PLCL2: variants seen among roughly 807,000 people sequenced by gnomAD.
PLCL2 encodes inactive phospholipase C-like protein 2.
A neutral mutation model predicts 79.6 loss-of-function variants in PLCL2; 4 were observed. That is an observed-to-expected ratio of 0.05 (90% confidence interval 0.02 to 0.11). PLCL2 has a LOEUF of 0.11. Among genes scored for constraint, PLCL2 ranks in the 10% least tolerant of loss-of-function variants. The pLI, the probability that PLCL2 is intolerant of heterozygous loss-of-function variation, is 1.00. For synonymous variants in PLCL2, 484 were observed against 457.7 expected (o/e 1.06, Z -0.73); for missense variants, 895 against 1,291.0 (o/e 0.69, Z 4.70).
rs2064743117 is a variant in PLCL2, at chr3:17,043,093, A to G, written c.3094+144A>G. On this transcript the variant is annotated intron_variant, in intron 4 of 5. Coordinates refer to ENST00000615277, the MANE Select transcript of PLCL2 (RefSeq NM_001144382.2). ...CTATGGCTAAAGAAAATACCAATTC[A>G]GTGGTTCTCAGCCTTGGGTAACAAA... 17 of 604,086 alleles carry G rather than the reference A, an allele frequency of 2.8e-5. No individual in the cohort carries two copies. The South Asian group carries it at 3.2e-4, about 11-fold the overall frequency. 37.4% of individuals were successfully genotyped at this position (604,086 alleles called of 1,614,324 possible).
At chr3:16,885,459 C>T in intron 1 of PLCL2, 93 bp downstream of exon 1, 2 of 509,578 alleles carry the variant, frequency 3.9e-6, no homozygotes, top group South Asian at 5.1e-5. Flanking sequence ...AGGAAGCCCA[C>T]TGCTAACAGG....
chr3:16,964,552 G>T lies in PLCL2; in HGVS notation c.328-45122G>T, dbSNP rs556810308. ...ATATACCCAGTAATGGGATGGCTGG[G>T]TCAAATGGTATTTCTAGTTCTAGAT... On this transcript the variant is annotated intron_variant, in intron 1 of 5. Transcript: ENST00000615277. 1.5e-3 allele frequency among the ~76,000 whole-genome samples: 223 copies of T among 152,294 alleles called. 1 individual carries two copies. The highest frequency in any genetic ancestry group is 5.2e-3 in the African/African-American group (217 of 41,548).
intron 1 of PLCL2, among the ~76,000 whole-genome samples, chr3:16,911,599 T>C (rs1696883887): frequency 6.6e-6 from 1 of 152,218 alleles, no homozygotes; most frequent in South Asian, 2.1e-4. Context: ...GCTAATCATC[T>C]ATAAGCTTCA....
chr3:16,961,100 G>A (rs537280284), intron 1 of PLCL2, among the ~76,000 whole-genome samples: 12 of 152,296 alleles, frequency 7.9e-5, no homozygotes, highest in African/African-American at 1.2e-4. Context: ...ATATGTCCTC[G>A]TGTTTCAGTG....
chr3:16,935,750 T>C (rs1697523479), intron 1 of PLCL2, among the ~76,000 whole-genome samples: 1 of 152,194 alleles, frequency 6.6e-6, no homozygotes, highest in Admixed American at 6.5e-5. Flanking sequence ...ATTTAAGGAC[T>C]AATACTTATA....
At chr3:17,004,616 T>C (rs1440324644) in intron 1 of PLCL2, among the ~76,000 whole-genome samples, 10 of 152,182 alleles carry the variant, frequency 6.6e-5, no homozygotes, top group Non-Finnish European at 1.5e-5. Flanking sequence ...TTTCTCATCT[T>C]AAAGAGCACA....
intron 1 of PLCL2, among the ~76,000 whole-genome samples, chr3:17,008,988 A>AT (rs966994924): frequency 0.017 from 2,393 of 143,832 alleles, 41 homozygotes; most frequent in East Asian, 0.057. Context: ...TGGCTAATTA[A>AT]TTTTTTTTTT....
intron 1 of PLCL2, among the ~76,000 whole-genome samples, chr3:16,955,731 G>A (rs1448630503): frequency 2.0e-5 from 3 of 152,032 alleles, no homozygotes; most frequent in Non-Finnish European, 2.9e-5. Flanking sequence ...TTCTCCTTGA[G>A]GAGGTCCTTC....
At position 17,090,159 on chromosome 3, in the gene PLCL2, T is replaced by A. The variant is rs1256256162; in HGVS notation, c.*247T>A. On this transcript the variant is annotated 3_prime_UTR_variant, in exon 6 of 6. Coordinates refer to ENST00000615277, the MANE Select transcript of PLCL2 (RefSeq NM_001144382.2). ...GCTATATTTGTATACAAAGACATTC[T>A]AACTCAGTTCCAGTATGAAGAAAGA... 1.1e-5 allele frequency: 13 copies of A among 1,176,522 alleles called. No homozygotes were observed. The highest frequency in any genetic ancestry group is 1.4e-5 in the Non-Finnish European group (13 of 951,682). The allele number at this position is 1,176,522 out of a possible 1,614,324, so 72.9% of individuals were successfully genotyped here.
intron 1 of PLCL2, among the ~76,000 whole-genome samples, chr3:16,914,918 CAAG>C (rs955651119): frequency 2.6e-5 from 4 of 151,968 alleles, no homozygotes; most frequent in Admixed American, 6.6e-5. Flanking sequence ...TTTCTGTAGA[CAAG>C]AGATCTTGCA....
chr3:16,951,418 A>G (rs2063651081), intron 1 of PLCL2, among the ~76,000 whole-genome samples: 1 of 151,988 alleles, frequency 6.6e-6, no homozygotes, highest in South Asian at 2.1e-4. Context: ...TTTGAAATTC[A>G]TTTTGCCAAA....
intron 5 of PLCL2, among the ~76,000 whole-genome samples, chr3:17,075,576 T>G (rs1458036011): frequency 1.3e-5 from 2 of 149,206 alleles, no homozygotes; most frequent in African/African-American, 2.5e-5. Context: ...GCAGTATCTG[T>G]GAAGTGTGAT....
intron 1 of PLCL2, among the ~76,000 whole-genome samples, chr3:17,003,446 T>G (rs2064229685): frequency 6.6e-6 from 1 of 152,204 alleles, no homozygotes; most frequent in African/African-American, 2.4e-5. Context: ...GAGTTCCTGC[T>G]CTGCCCTCAG....
intron 1 of PLCL2, among the ~76,000 whole-genome samples, chr3:16,896,094 T>G (rs937101783): frequency 6.6e-6 from 1 of 152,240 alleles, no homozygotes; most frequent in Non-Finnish European, 1.5e-5. Context: ...TCTATCATAC[T>G]GCAACAAATT....
chr3:17,086,855 A>T (rs2065225060), intron 5 of PLCL2, among the ~76,000 whole-genome samples: 1 of 152,222 alleles, frequency 6.6e-6, no homozygotes, highest in African/African-American at 2.4e-5. Flanking sequence ...ACTGGGCAAA[A>T]GTCTGAACAG....
chr3:17,008,292 T>C (rs2064283290), intron 1 of PLCL2, among the ~76,000 whole-genome samples: 1 of 150,582 alleles, frequency 6.6e-6, no homozygotes, highest in Non-Finnish European at 1.5e-5. Context: ...CATGTCTATC[T>C]GATGTATACT....
chr3:16,976,832 G>T (rs556851624), intron 1 of PLCL2, among the ~76,000 whole-genome samples: 53 of 152,252 alleles, frequency 3.5e-4, no homozygotes, highest in African/African-American at 1.3e-3. Flanking sequence ...CCACACTAGG[G>T]TGGCATTTGG....
chr3:17,061,400 A>T (rs1575610311), intron 4 of PLCL2, among the ~76,000 whole-genome samples: 2 of 152,212 alleles, frequency 1.3e-5, no homozygotes, highest in East Asian at 3.8e-4. Context: ...ATATCCCAGT[A>T]TAGTTGTATG....
At chr3:16,934,453 G>C (rs1035528652) in intron 1 of PLCL2, among the ~76,000 whole-genome samples, 3 of 152,144 alleles carry the variant, frequency 2.0e-5, no homozygotes, top group Admixed American at 2.0e-4. Context: ...ATCATGGCCC[G>C]TTTGAGCTTC....
Sources: gnomAD v4.1 joint callset for allele counts (sites outside exome capture counted in the v4.1 genomes callset) on GRCh38, gnomAD v4.1.1 for gene constraint, MANE v1.5 for transcripts, NCBI Gene and HGNC (gene_info 2026-07-23, HGNC 2026-07-21) for gene names.